Variants in TLN2 observed in about 807,000 individuals in gnomAD.
The protein encoded by TLN2 is talin 2.
In TLN2, 118 loss-of-function variants were observed where a neutral mutation model predicts 294.7. The observed-to-expected ratio is 0.40, with a 90% CI of 0.34 to 0.47. TLN2 has a LOEUF of 0.47. Among genes scored for constraint, TLN2 ranks in the 20% least tolerant of loss-of-function variants. The pLI, the probability that TLN2 is intolerant of heterozygous loss-of-function variation, is 0.84. For synonymous variants in TLN2, 1,431 were observed against 1,304.5 expected (o/e 1.10, Z -2.09); for missense variants, 3,083 against 3,282.2 (o/e 0.94, Z 1.48).
chr15:62,650,253 G>A (rs953750169), intron 5 of TLN2, 72 bp downstream of exon 5: 6 of 1,483,482 alleles, frequency 4.0e-6, no homozygotes, highest in Admixed American at 3.5e-5. Flanking sequence ...CGCCAACACG[G>A]TTACGCTATT....
chr15:62,716,565 T>A lies in TLN2; in HGVS notation c.2763+106T>A, dbSNP rs79796317. ...TGTTGACAATATAAAGAAAGCCAAG[T>A]CAAGGTTCACATCATTGTTTGAAGG... On this transcript the variant is annotated intron_variant, in intron 23 of 58. Transcript: ENST00000636159. The A allele has an allele frequency of 4.8e-3, 6,749 of 1,392,970 alleles. 273 individuals are homozygous for A. The African/African-American group carries it at 0.087, about 18-fold the overall frequency. The allele number at this position is 1,392,970 out of a possible 1,614,324, so 86.3% of individuals were successfully genotyped here.
intron 14 of TLN2, among the ~76,000 whole-genome samples, chr15:62,695,031 C>T (rs1274504696): frequency 1.3e-5 from 2 of 152,150 alleles, no homozygotes; most frequent in Non-Finnish European, 2.9e-5. Context: ...TAAAACAATG[C>T]CTGGCACATA....
chr15:62,800,566 C>T, intron 49 of TLN2, 73 bp downstream of exon 49: 1 of 1,609,442 alleles, frequency 6.2e-7, no homozygotes, highest in Non-Finnish European at 8.5e-7. Flanking sequence ...GGCGTCCTTG[C>T]TCATAGCATG....
At chr15:62,599,065 T>TG (rs1021015635) in intron 2 of TLN2, among the ~76,000 whole-genome samples, 6 of 152,210 alleles carry the variant, frequency 3.9e-5, no homozygotes, top group African/African-American at 1.4e-4. Flanking sequence ...GTCACCTCTG[T>TG]GTCAGGCCAG....
intron 1 of TLN2, among the ~76,000 whole-genome samples, chr15:62,522,654 G>A (rs879189443): frequency 1.3e-5 from 2 of 151,924 alleles, no homozygotes; most frequent in Non-Finnish European, 1.5e-5. Flanking sequence ...GTTAACCCCC[G>A]AGGCTTTCTA....
intron 1 of TLN2, among the ~76,000 whole-genome samples, chr15:62,433,795 C>A (rs1280202517): frequency 6.6e-6 from 1 of 152,084 alleles, no homozygotes; most frequent in East Asian, 1.9e-4. Flanking sequence ...TCAAGACCAG[C>A]CTGGCCAACG....
Position 62,800,603 on chromosome 15 carries a change from C to T in TLN2, c.6361-50C>T, listed in dbSNP as rs116584798. The T allele has an allele frequency of 1.1e-3, 1,840 of 1,611,084 alleles. 22 individuals are homozygous for T. In the African/African-American group the frequency reaches 0.02, roughly 18 times the overall value. ...GATCCAGAAGTAAAAGGAGTAGGGGCTGGACCTGAGTCACTGCACTATCTG... is the reference window on the plus strand; with the variant it reads ...GATCCAGAAGTAAAAGGAGTAGGGGTTGGACCTGAGTCACTGCACTATCTG... On this transcript the variant is annotated intron_variant, in intron 49 of 58. Transcript: ENST00000636159.
At chr15:62,441,003 C>T (rs576716793) in intron 1 of TLN2, among the ~76,000 whole-genome samples, 226 of 152,314 alleles carry the variant, frequency 1.5e-3, no homozygotes, top group South Asian at 3.9e-3. Flanking sequence ...ATAGCTGGTT[C>T]ATCAGGTGCT....
At chr15:62,796,640 C>T (rs574227912) in intron 47 of TLN2, among the ~76,000 whole-genome samples, 103 of 152,264 alleles carry the variant, frequency 6.8e-4, no homozygotes, top group Non-Finnish European at 1.2e-3. Flanking sequence ...TCGCTTAAAC[C>T]CTGTTTTGGG....
intron 1 of TLN2, among the ~76,000 whole-genome samples, chr15:62,452,546 C>A (rs1252001749): frequency 6.6e-6 from 1 of 152,192 alleles, no homozygotes; most frequent in Non-Finnish European, 1.5e-5. Context: ...TCACCACCAT[C>A]CATCTCCAGA....
chr15:62,710,720 CTTTTTTTTTTT>C (rs71287048), intron 21 of TLN2, among the ~76,000 whole-genome samples: 8 of 77,046 alleles, frequency 1.0e-4, no homozygotes, highest in African/African-American at 2.3e-4. Context: ...TGCTGATGTC[CTTTTTTTTTTT>C]TTTTTTTTTT....
chr15:62,663,514 T>C (rs942568791), intron 9 of TLN2, among the ~76,000 whole-genome samples: 14 of 151,824 alleles, frequency 9.2e-5, no homozygotes, highest in African/African-American at 3.2e-4. Flanking sequence ...TAGGATTATC[T>C]ACATAGATAA....
chr15:62,490,780 A>G (rs1454721579), intron 1 of TLN2, among the ~76,000 whole-genome samples: 2 of 152,202 alleles, frequency 1.3e-5, no homozygotes, highest in African/African-American at 2.4e-5. Flanking sequence ...AATGCTAGGT[A>G]AATGTGCTAG....
rs536144726 is a variant in TLN2, at chr15:62,759,260, C to G, written c.4639-2421C>G. 9.8e-5 allele frequency among the ~76,000 whole-genome samples: 15 copies of G among 152,334 alleles called. No homozygotes were observed. In the East Asian group the frequency reaches 2.9e-3, roughly 29 times the overall value. ...TGAAATAATACCTGTGCAAACTATC[C>G]TTTCTGACGCCGGATGCCTTTTCTG... On this transcript the variant is annotated intron_variant, in intron 37 of 58. Coordinates refer to ENST00000636159, the MANE Select transcript of TLN2 (RefSeq NM_015059.3).
At chr15:62,451,819 T>C (rs372571982) in intron 1 of TLN2, among the ~76,000 whole-genome samples, 8 of 152,294 alleles carry the variant, frequency 5.3e-5, no homozygotes, top group East Asian at 1.9e-4. Context: ...TGTTTTCTCT[T>C]TTGATGGTAC....
chr15:62,610,867 C>T (rs1596334815), intron 2 of TLN2, among the ~76,000 whole-genome samples: 1 of 152,244 alleles, frequency 6.6e-6, no homozygotes, highest in African/African-American at 2.4e-5. Flanking sequence ...GTGCACACTG[C>T]TGCAGGGCAC....
intron 9 of TLN2, among the ~76,000 whole-genome samples, chr15:62,667,642 G>C (rs542647103): frequency 6.6e-6 from 1 of 152,224 alleles, no homozygotes; most frequent in South Asian, 2.1e-4. Flanking sequence ...TAGAGAAACG[G>C]TGACTTCCCT....
chr15:62,814,490 CAA>C lies in TLN2; in HGVS notation c.6771+4469_6771+4470del, dbSNP rs57230639. ...GTGAAACAATCAAAGATAAAACTATCAAAAAAAAAAAAGAATTTTCCCCCTTG... is the reference window on the plus strand; with the variant it reads ...GTGAAACAATCAAAGATAAAACTATCAAAAAAAAAAGAATTTTCCCCCTTG... On this transcript the variant is annotated intron_variant, in intron 52 of 58. Coordinates refer to ENST00000636159, the MANE Select transcript of TLN2 (RefSeq NM_015059.3). Among the ~76,000 whole-genome samples, 12 of 139,912 alleles carry C rather than the reference CAA, an allele frequency of 8.6e-5. No individual in the cohort carries two copies. The South Asian group carries it at 1.1e-3, about 13-fold the overall frequency. 91.8% of individuals were successfully genotyped at this position (139,912 alleles called of 152,430 possible).
chr15:62,421,222 A>G (rs958845087), intron 1 of TLN2, among the ~76,000 whole-genome samples: 1 of 152,082 alleles, frequency 6.6e-6, no homozygotes, highest in Non-Finnish European at 1.5e-5. Context: ...TCTGGGAACA[A>G]CGGGGTTTCA....
Sources: allele counts gnomAD v4.1 joint callset (sites outside exome capture counted in the v4.1 genomes callset), GRCh38; gene constraint gnomAD v4.1.1; transcripts MANE v1.5; gene names NCBI Gene and HGNC (gene_info 2026-07-23, HGNC 2026-07-21).